The following IL34 variants were observed in gnomAD, a reference collection of about 807,000 sequenced individuals.
IL34 encodes interleukin 34, also known as interleukin-34.
In IL34, 17 loss-of-function variants were observed where a neutral mutation model predicts 25.3. The ratio of observed to expected loss-of-function variants is 0.67; its 90% confidence interval spans 0.46 to 1.01. The LOEUF (loss-of-function observed/expected upper bound fraction) is 1.01, where lower values mean the gene tolerates loss of function less well. Ranked by LOEUF, IL34 falls within the 50% of genes least tolerant of loss-of-function variation. The pLI, the probability that IL34 is intolerant of heterozygous loss-of-function variation, is 0.00. For missense variants in IL34, 368 were observed against 312.9 expected (o/e 1.18, Z -1.33); for synonymous variants, 174 against 140.9 (o/e 1.23, Z -1.66).
intron 1 of IL34, among the ~76,000 whole-genome samples, chr16:70,650,928 T>C (rs929232743): frequency 4.6e-5 from 7 of 152,230 alleles, no homozygotes; most frequent in South Asian, 2.1e-4. Context: ...AACTGCGTTA[T>C]GGATTCACAC....
chr16:70,610,360 T>G (rs992449855), intron 1 of IL34, among the ~76,000 whole-genome samples: 1 of 152,060 alleles, frequency 6.6e-6, no homozygotes, highest in Non-Finnish European at 1.5e-5. Flanking sequence ...CGTCTGGGAG[T>G]GCCGAGTGTT....
intron 4 of IL34, among the ~76,000 whole-genome samples, chr16:70,657,826 C>T (rs1164369035): frequency 2.0e-5 from 3 of 152,268 alleles, no homozygotes; most frequent in East Asian, 1.9e-4. Context: ...ATGTTGTATA[C>T]ATGACATCAT....
intron 1 of IL34, among the ~76,000 whole-genome samples, chr16:70,588,207 CGGGTGCGGT>C (rs1385456360): frequency 2.0e-5 from 3 of 151,896 alleles, no homozygotes; most frequent in African/African-American, 7.3e-5. Flanking sequence ...AAGTAGAGGC[CGGGTGCGGT>C]GGCTCATGCG....
chr16:70,592,363 A>T (rs2050766390), intron 1 of IL34, among the ~76,000 whole-genome samples: 1 of 152,008 alleles, frequency 6.6e-6, no homozygotes, highest in South Asian at 2.1e-4. Flanking sequence ...CTGAGGTGTA[A>T]TAGAAGGCCC....
intron 1 of IL34, among the ~76,000 whole-genome samples, chr16:70,605,992 T>TA (rs2050998418): frequency 7.5e-6 from 1 of 133,992 alleles, no homozygotes; most frequent in South Asian, 2.5e-4. Context: ...TTTTTTTTTT[T>TA]AACAATGCTG....
At chr16:70,633,088 C>T (rs1322025887) in intron 1 of IL34, among the ~76,000 whole-genome samples, 1 of 152,158 alleles carries the variant, frequency 6.6e-6, no homozygotes, top group African/African-American at 2.4e-5. Context: ...CCTTAGCCTC[C>T]TTAGCAGCTG....
chr16:70,651,435 G>A (rs2052075710), intron 1 of IL34, among the ~76,000 whole-genome samples: 1 of 152,206 alleles, frequency 6.6e-6, no homozygotes, highest in South Asian at 2.1e-4. Flanking sequence ...GAGAGAGGAA[G>A]TGCAAGATAG....
rs117529713 is a variant in IL34 at position 70,638,849 on chromosome 16, T to C, written c.-400-7699T>C. 2.8e-4 allele frequency among the ~76,000 whole-genome samples: 43 copies of C among 152,314 alleles called. No homozygotes were observed. In the East Asian group the frequency reaches 7.1e-3, roughly 25 times the overall value. On this transcript the variant is annotated intron_variant, in intron 1 of 6. Coordinates refer to the IL34 transcript ENST00000429149. The stretch of plus-strand genomic sequence containing the variant: ...CTCTTGCCTCAGCCTCCGAAAATGC[T>C]GGAATTACAGGTGTGTGCCACCGCA...
intron 1 of IL34, among the ~76,000 whole-genome samples, chr16:70,622,815 A>C (rs181737148): frequency 6.6e-6 from 1 of 152,198 alleles, no homozygotes; most frequent in Admixed American, 6.5e-5. Context: ...AGAAATGTAG[A>C]GAGTGAGTTG....
intron 1 of IL34, among the ~76,000 whole-genome samples, chr16:70,623,964 AC>A: frequency 8.1e-6 from 1 of 123,418 alleles, no homozygotes; most frequent in Non-Finnish European, 1.8e-5. Flanking sequence ...GATTAAGGCG[AC>A]GGACTTACCT....
At chr16:70,590,191 G>A (rs1218230879) in intron 1 of IL34, among the ~76,000 whole-genome samples, 4 of 152,234 alleles carry the variant, frequency 2.6e-5, no homozygotes, top group Non-Finnish European at 5.9e-5. Context: ...TCCTGGAGCC[G>A]TGATGGGGCC....
At chr16:70,599,531 A>G (rs974222335) in intron 1 of IL34, among the ~76,000 whole-genome samples, 2 of 132,918 alleles carry the variant, frequency 1.5e-5, no homozygotes, top group African/African-American at 5.4e-5. Context: ...TAATTTTTGT[A>G]TTTTTTTTTT....
At chr16:70,637,075 T>C (rs1032925950) in intron 1 of IL34, among the ~76,000 whole-genome samples, 2 of 151,824 alleles carry the variant, frequency 1.3e-5, no homozygotes, top group African/African-American at 4.8e-5. Context: ...TTAGCCAGGA[T>C]GGTCTCGATC....
At chr16:70,615,758 C>T (rs1022506688) in intron 1 of IL34, among the ~76,000 whole-genome samples, 1 of 152,026 alleles carries the variant, frequency 6.6e-6, no homozygotes, top group Non-Finnish European at 1.5e-5. Context: ...TTGAAACCAG[C>T]CTGGGCAACA....
intron 1 of IL34, among the ~76,000 whole-genome samples, chr16:70,593,339 T>C (rs1186161462): frequency 6.6e-6 from 1 of 152,182 alleles, no homozygotes; most frequent in East Asian, 1.9e-4. Context: ...TTTTGATATA[T>C]AGAAAAACAT....
At chr16:70,626,714 A>G (rs890280175) in intron 1 of IL34, among the ~76,000 whole-genome samples, 5 of 151,766 alleles carry the variant, frequency 3.3e-5, no homozygotes, top group Non-Finnish European at 7.4e-5. Flanking sequence ...GATGTCTCCT[A>G]TGTTTTCTTC....
intron 1 of IL34, among the ~76,000 whole-genome samples, chr16:70,603,792 G>T (rs1469834935): frequency 6.6e-6 from 1 of 152,048 alleles, no homozygotes; most frequent in Non-Finnish European, 1.5e-5. Flanking sequence ...ATGTTGCCCA[G>T]GCTGGTCTTG....
At chr16:70,654,504 G>T (rs1335128444) in intron 1 of IL34, 34 bp from the exon 2 acceptor site, 1 of 1,576,738 alleles carries the variant, frequency 6.3e-7, no homozygotes, top group Non-Finnish European at 8.7e-7. Context: ...GAGATGGAGG[G>T]TGCTCATGTG....
At position 70,653,742 on chromosome 16, in the gene IL34, G is replaced by C. The variant is rs146727183; in HGVS notation, c.29-796G>C. On this transcript the variant is annotated intron_variant, in intron 1 of 5. Transcript: ENST00000288098. The stretch of plus-strand genomic sequence containing the variant: ...TAATGTGAATTTATTTATCTAGTTA[G>C]TGAGTCTGATATTTTGGGTAGTTGC... 2.7e-3 allele frequency among the ~76,000 whole-genome samples: 404 copies of C among 152,270 alleles called. 2 individuals carry two copies. The highest frequency in any genetic ancestry group is 0.017 in the Middle Eastern group (5 of 294).
Sources: allele counts gnomAD v4.1 joint callset (sites outside exome capture counted in the v4.1 genomes callset), GRCh38; gene constraint gnomAD v4.1.1; transcripts MANE v1.5; gene names NCBI Gene and HGNC (gene_info 2026-07-23, HGNC 2026-07-21).